The following MAPKAP1 variants were observed in gnomAD, a reference collection of about 807,000 sequenced individuals.
MAPKAP1 encodes the protein MAPK associated protein 1, also known as target of rapamycin complex 2 subunit MAPKAP1.
MAPKAP1 carries 20 observed loss-of-function variants against 65.7 expected under a neutral mutation model. The observed-to-expected ratio is 0.30, with a 90% CI of 0.21 to 0.44. The LOEUF is 0.44. MAPKAP1 is among the 20% of genes least tolerant of loss of function. MAPKAP1 has a pLI of 1.00. For missense variants in MAPKAP1, 423 were observed against 648.0 expected (o/e 0.65, Z 3.77); for synonymous variants, 222 against 244.3 (o/e 0.91, Z 0.85).
intron 4 of MAPKAP1, among the ~76,000 whole-genome samples, chr9:125,616,080 A>T (rs1425040952): frequency 6.6e-6 from 1 of 152,132 alleles, no homozygotes; most frequent in Non-Finnish European, 1.5e-5. Flanking sequence ...AGCAGCACAA[A>T]CATAGGGAAA....
Position 125,598,360 on chromosome 9 carries a change from C to T in MAPKAP1, c.499-12633G>A, listed in dbSNP as rs534169090. Among the ~76,000 whole-genome samples the T allele has an allele frequency of 1.8e-4, 28 of 152,268 alleles. No individual in the cohort carries two copies. The South Asian group carries it at 5.4e-3, about 29-fold the overall frequency. Reference sequence around the variant, plus strand: ...AATTAATTTGTCAAAAACATTTCTACAGTTTGTCACTGGACACTGTATTTT... The same window carrying T: ...AATTAATTTGTCAAAAACATTTCTATAGTTTGTCACTGGACACTGTATTTT... On this transcript the variant is annotated intron_variant, in intron 4 of 11. Transcript: ENST00000265960.
At chr9:125,577,092 G>A (rs1251059879) in intron 5 of MAPKAP1, among the ~76,000 whole-genome samples, 5 of 151,726 alleles carry the variant, frequency 3.3e-5, no homozygotes, top group Middle Eastern at 3.2e-3. Flanking sequence ...CTTCCCGGCC[G>A]CCATCCCATC....
chr9:125,511,339 G>A (rs889547341), intron 7 of MAPKAP1, among the ~76,000 whole-genome samples: 23 of 152,262 alleles, frequency 1.5e-4, no homozygotes, highest in African/African-American at 5.5e-4. Context: ...GTCACCCTAA[G>A]ATGTAAAGAG....
In MAPKAP1 at chr9:125,506,421, G is replaced by A. The variant is rs769467497; in HGVS notation, c.959-4C>T. The A allele has an allele frequency of 3.1e-6, 5 of 1,613,274 alleles. No homozygotes were observed. In the South Asian group the frequency reaches 5.5e-5, roughly 18 times the overall value. ...TTCTCCAGGCGGTACTGAGGGCCTG[G>A]AAGATCAAAGGGGCAGGAGGAGGGG... is the stretch of plus-strand genomic sequence containing the variant. On this transcript the variant is annotated splice_polypyrimidine_tract_variant and splice_region_variant and intron_variant, in intron 7 of 11. Coordinates refer to ENST00000265960, the MANE Select transcript of MAPKAP1 (RefSeq NM_001006617.3).
chr9:125,613,744 G>A (rs1205591677), intron 4 of MAPKAP1, among the ~76,000 whole-genome samples: 1 of 151,920 alleles, frequency 6.6e-6, no homozygotes, highest in East Asian at 1.9e-4. Flanking sequence ...AACATTCAAA[G>A]AACAGATAAT....
chr9:125,536,585 T>TTC (rs1554818636), intron 7 of MAPKAP1, among the ~76,000 whole-genome samples: 15 of 151,612 alleles, frequency 9.9e-5, no homozygotes, highest in Non-Finnish European at 1.6e-4. Flanking sequence ...ATTTTCCATT[T>TTC]ATTCATTCAT....
chr9:125,493,867 T>C (rs1488593815), intron 8 of MAPKAP1, among the ~76,000 whole-genome samples: 2 of 152,192 alleles, frequency 1.3e-5, no homozygotes, highest in Non-Finnish European at 2.9e-5. Flanking sequence ...ACAGTAGTCA[T>C]ACAAACAGTA....
At chr9:125,698,288 AATATATATATATATAT>A (rs57303829) in intron 1 of MAPKAP1, among the ~76,000 whole-genome samples, 7,423 of 48,572 alleles carry the variant, frequency 0.15, 455 homozygotes, top group Non-Finnish European at 0.19. Flanking sequence ...AATATATATA[AATATATATATATATAT>A]ATATATATAT....
At chr9:125,656,721 C>A (rs1048408690) in intron 4 of MAPKAP1, among the ~76,000 whole-genome samples, 4 of 152,084 alleles carry the variant, frequency 2.6e-5, no homozygotes, top group African/African-American at 9.7e-5. Context: ...TACCTCCAGG[C>A]AAAGAGCTAT....
intron 4 of MAPKAP1, among the ~76,000 whole-genome samples, chr9:125,653,107 A>G (rs752471332): frequency 6.6e-6 from 1 of 152,176 alleles, no homozygotes; most frequent in Non-Finnish European, 1.5e-5. Context: ...TGCTCATTTC[A>G]TCCTCCTGAG....
Position 125,438,150 on chromosome 9 carries a change from C to G in MAPKAP1, c.*737G>C, listed in dbSNP as rs1311795346. On this transcript the variant is annotated 3_prime_UTR_variant, in exon 12 of 12. Transcript: ENST00000265960. ...CGTGCCTGAGGACCAGCCACCGCCCCTCCTCCTGGCACCCCACACTGTCCA... is the reference window on the plus strand; with the variant it reads ...CGTGCCTGAGGACCAGCCACCGCCCGTCCTCCTGGCACCCCACACTGTCCA... 1.3e-5 allele frequency: 5 copies of G among 389,880 alleles called. No individual in the cohort carries two copies. Among genetic ancestry groups the G allele is most frequent in the Non-Finnish European group, 1.8e-5 (4 of 221,106 alleles). The allele number at this position is 389,880 out of a possible 1,614,324, so 24.2% of individuals were successfully genotyped here.
chr9:125,601,827 C>T (rs2131611803), intron 4 of MAPKAP1, among the ~76,000 whole-genome samples: 1 of 152,256 alleles, frequency 6.6e-6, no homozygotes, highest in Non-Finnish European at 1.5e-5. Flanking sequence ...CACATAAAGG[C>T]CAACACAAAG....
chr9:125,598,895 C>T (rs920252436), intron 4 of MAPKAP1, among the ~76,000 whole-genome samples: 3 of 151,794 alleles, frequency 2.0e-5, no homozygotes, highest in African/African-American at 7.3e-5. Flanking sequence ...CAAAAAATAG[C>T]CAGGCGTGGT....
chr9:125,567,114 C>A (rs1048813729), intron 5 of MAPKAP1, among the ~76,000 whole-genome samples: 1 of 152,298 alleles, frequency 6.6e-6, no homozygotes, highest in East Asian at 1.9e-4. Context: ...CTTGTGAATT[C>A]CATTTCTCAA....
intron 7 of MAPKAP1, among the ~76,000 whole-genome samples, chr9:125,540,090 T>C (rs1200024995): frequency 6.6e-6 from 1 of 152,216 alleles, no homozygotes; most frequent in Non-Finnish European, 1.5e-5. Flanking sequence ...TGTCTGTAAA[T>C]GACAGTCTAT....
chr9:125,672,200 T>C, intron 2 of MAPKAP1, 116 bp downstream of exon 2: 1 of 1,144,960 alleles, frequency 8.7e-7, no homozygotes, highest in Non-Finnish European at 1.2e-6. Flanking sequence ...CATATGCATG[T>C]TCCTATTAAT....
intron 5 of MAPKAP1, among the ~76,000 whole-genome samples, chr9:125,563,364 C>A (rs916018567): frequency 1.3e-5 from 2 of 152,186 alleles, no homozygotes; most frequent in Admixed American, 1.3e-4. Flanking sequence ...GGTTTTAATG[C>A]TAACTCAAAT....
chr9:125,472,812 C>T (rs931736676), intron 9 of MAPKAP1, among the ~76,000 whole-genome samples: 8 of 152,196 alleles, frequency 5.3e-5, no homozygotes, highest in South Asian at 4.1e-4. Context: ...GTCAAAAGGA[C>T]GTGCTCCAAA....
chr9:125,611,603 T>C (rs566981396), intron 4 of MAPKAP1, among the ~76,000 whole-genome samples: 3 of 152,012 alleles, frequency 2.0e-5, no homozygotes, highest in East Asian at 3.9e-4. Flanking sequence ...AGAAGAAAAA[T>C]AGGAAAGAAG....
Sources: allele counts gnomAD v4.1 joint callset (sites outside exome capture counted in the v4.1 genomes callset), GRCh38; gene constraint gnomAD v4.1.1; transcripts MANE v1.5; gene names NCBI Gene and HGNC (gene_info 2026-07-23, HGNC 2026-07-21).